The following TNC variants were observed in gnomAD, a reference collection of about 807,000 sequenced individuals.
TNC encodes tenascin.
TNC carries 109 observed loss-of-function variants against 202.4 expected under a neutral mutation model. The ratio of observed to expected loss-of-function variants is 0.54; its 90% CI spans 0.46 to 0.63. The LOEUF (loss-of-function observed/expected upper bound fraction) is 0.63, where lower values mean the gene tolerates loss of function less well. Ranked by LOEUF, TNC falls within the 30% of genes least tolerant of loss-of-function variation. The pLI is 0.00. For synonymous variants in TNC, 1,007 were observed against 1,089.7 expected (o/e 0.92, Z 1.50); for missense variants, 2,756 against 2,833.3 (o/e 0.97, Z 0.62).
At chr9:115,069,024 G>A (rs554104812) in intron 10 of TNC, among the ~76,000 whole-genome samples, 3 of 152,286 alleles carry the variant, frequency 2.0e-5, no homozygotes, top group East Asian at 1.9e-4. Flanking sequence ...GAGAAGAGAA[G>A]CTGTTTCTTT....
intron 20 of TNC, among the ~76,000 whole-genome samples, chr9:115,037,966 A>G (rs2131862477): frequency 6.6e-6 from 1 of 152,356 alleles, no homozygotes; most frequent in Admixed American, 6.5e-5. Context: ...AAAGATGACA[A>G]CTGTTTCCTA....
In TNC at chr9:115,020,911, A is replaced by G; in HGVS notation, c.*246T>C. On this transcript the variant is annotated 3_prime_UTR_variant, in exon 28 of 28. Coordinates refer to ENST00000350763, the MANE Select transcript of TNC (RefSeq NM_002160.4). ...ACTATTGCGATGTTGTCACTGGGAG[A>G]TTTTTGCTGAATCAAACAACAAAAC... 1 of 477,700 alleles carries G rather than the reference A, an allele frequency of 2.1e-6. No individual in the cohort carries two copies. The highest frequency in any genetic ancestry group is 3.7e-6 in the Non-Finnish European group (1 of 270,572). The allele number at this position is 477,700 out of a possible 1,614,324, so 29.6% of individuals were successfully genotyped here.
Position 115,087,021 on chromosome 9 carries a change from A to C in TNC, c.710T>G (p.Ile237Ser). ...DQGKCVNGVC[I>S]CFEGYAGADC... Reference sequence around the variant, plus strand: ...AGCCCCGGCGTAGCCTTCGAAACAGATGCAGACTCCATTTACGCACTTGCC... The same window carrying C: ...AGCCCCGGCGTAGCCTTCGAAACAGCTGCAGACTCCATTTACGCACTTGCC... The change falls in exon 3 of 28, where the codon ATC becomes AGC. Residue 237 changes from isoleucine (I) to serine (S), a missense_variant. By Grantham distance (142) the Ile-to-Ser change is moderately radical. Coordinates refer to ENST00000350763, the MANE Select transcript of TNC (RefSeq NM_002160.4). 1.2e-6 allele frequency: 2 copies of C among 1,613,316 alleles called. No individual in the cohort carries two copies. Among genetic ancestry groups the C allele is most frequent in the Non-Finnish European group, 1.7e-6 (2 of 1,179,472 alleles).
chr9:115,109,866 C>T (rs1836907445), intron 1 of TNC, among the ~76,000 whole-genome samples: 1 of 152,194 alleles, frequency 6.6e-6, no homozygotes, highest in Non-Finnish European at 1.5e-5. Context: ...TCTGGGCTTT[C>T]TGAGCAAACT....
intron 11 of TNC, among the ~76,000 whole-genome samples, 180 bp from the exon 12 acceptor site, chr9:115,064,248 A>G (rs1832769593): frequency 6.6e-6 from 1 of 152,216 alleles, no homozygotes; most frequent in Non-Finnish European, 1.5e-5. Flanking sequence ...AAGTGCAGGA[A>G]AATATTTGTT....
In TNC at chr9:115,041,309, C is replaced by CG. The variant is rs958971198; in HGVS notation, c.5249-226dup. 2.9e-4 allele frequency among the ~76,000 whole-genome samples: 39 copies of CG among 132,388 alleles called. 1 individual carries two copies. The highest frequency in any genetic ancestry group is 2.8e-4 in the Non-Finnish European group (17 of 61,714). 86.9% of individuals were successfully genotyped at this position (132,388 alleles called of 152,430 possible). A position where few individuals can be genotyped will look rare whatever the true frequency, so the allele number is the denominator to read the frequency against. ...ATGCCAAAAACAAAGCCAGGAGGGG[C>CG]GGGGGAAAACATGAAGTCACAACGT... On this transcript the variant is annotated intron_variant, in intron 18 of 27. Transcript: ENST00000350763.
At chr9:115,038,668 G>A (rs764368027) in intron 19 of TNC, among the ~76,000 whole-genome samples, 38 of 152,096 alleles carry the variant, frequency 2.5e-4, no homozygotes, top group Admixed American at 5.2e-4. Context: ...TTATATTATG[G>A]GTGGAAAGGA....
chr9:115,045,820 A>G (rs1242059919), intron 17 of TNC, among the ~76,000 whole-genome samples: 1 of 152,098 alleles, frequency 6.6e-6, no homozygotes. Flanking sequence ...CTTCATAAAC[A>G]GTAGCATGTT....
At position 115,084,211 on chromosome 9, in the gene TNC, G is replaced by C; in HGVS notation, c.2129C>G (p.Thr710Arg). Residue 710 changes from threonine (T) to arginine (R), a missense_variant and splice_region_variant, in exon 4 of 28, where the codon ACG becomes AGG. Thr to Arg is a moderately conservative substitution (Grantham distance 71). This residue lies in a region of TNC where 2,559 missense variants were observed against 2,546.0 expected (regional missense o/e 1.01). Coordinates refer to ENST00000350763, the MANE Select transcript of TNC (RefSeq NM_002160.4). The stretch of plus-strand genomic sequence containing the variant: ...CCAAAAGAGTTCTGCTCACTCACAC[G>C]TGGCCACCCTGGCGCTGACAGGAAT... ...KSIPVSARVA[T>R]YLPAPEGLKF... The C allele has an allele frequency of 6.2e-7, 1 of 1,613,592 alleles. No individual in the cohort carries two copies. The highest frequency in any genetic ancestry group is 8.5e-7 in the Non-Finnish European group (1 of 1,179,676).
intron 2 of TNC, among the ~76,000 whole-genome samples, chr9:115,089,927 G>A (rs1490139165): frequency 6.6e-6 from 1 of 152,232 alleles, no homozygotes; most frequent in East Asian, 1.9e-4. Flanking sequence ...TTAAAGGGCT[G>A]TTGGGAGGAT....
chr9:115,075,073 A>C (rs886434016), intron 9 of TNC, among the ~76,000 whole-genome samples: 1 of 152,170 alleles, frequency 6.6e-6, no homozygotes, highest in Non-Finnish European at 1.5e-5. Context: ...TGGAAGCTCA[A>C]TGATGATCCA....
At chr9:115,026,458 AAGTT>A (rs1261456617) in intron 26 of TNC, 72 bp downstream of exon 26, 17 of 1,478,950 alleles carry the variant, frequency 1.1e-5, no homozygotes, top group Non-Finnish European at 1.6e-5. Context: ...GAAGGAATGA[AAGTT>A]AGAGAAATAA....
At chr9:115,060,985 A>C (rs1425426082) in intron 13 of TNC, among the ~76,000 whole-genome samples, 1 of 152,206 alleles carries the variant, frequency 6.6e-6, no homozygotes, top group Non-Finnish European at 1.5e-5. Flanking sequence ...ACAATGTAGA[A>C]AGGAAATTTA....
chr9:115,053,600 A>G (rs16932140), intron 15 of TNC, among the ~76,000 whole-genome samples: 4,475 of 152,342 alleles, frequency 0.029, 92 homozygotes, highest in South Asian at 0.05. Context: ...TCCTTTGAAC[A>G]TCTCAAGGAG....
At chr9:115,074,179 A>G (rs1833674532) in intron 9 of TNC, among the ~76,000 whole-genome samples, 1 of 152,230 alleles carries the variant, frequency 6.6e-6, no homozygotes, top group Non-Finnish European at 1.5e-5. Context: ...AATTTAGATG[A>G]ATCTCGAGAG....
intron 14 of TNC, among the ~76,000 whole-genome samples, chr9:115,058,115 C>T (rs977740293): frequency 6.6e-6 from 1 of 152,166 alleles, no homozygotes; most frequent in Admixed American, 6.5e-5. Flanking sequence ...GCATTGCCAA[C>T]CAAGAGGGCT....
At chr9:115,042,170 T>A in intron 18 of TNC, 49 bp downstream of exon 18, 2 of 1,590,954 alleles carry the variant, frequency 1.3e-6, no homozygotes, top group South Asian at 1.1e-5. Flanking sequence ...CATGAATCCA[T>A]CCAAACCCAC....
At chr9:115,099,262 G>A (rs1033922284) in intron 1 of TNC, among the ~76,000 whole-genome samples, 9 of 152,170 alleles carry the variant, frequency 5.9e-5, no homozygotes, top group Non-Finnish European at 2.9e-5. Context: ...CCTAGTGGTG[G>A]TGGGGTGTTT....
intron 10 of TNC, among the ~76,000 whole-genome samples, chr9:115,069,652 C>CT (rs1833245929): frequency 5.7e-5 from 1 of 17,646 alleles, no homozygotes. Context: ...TCCTCCCTCC[C>CT]TCCCTCCCTC....
Sources: allele counts gnomAD v4.1 joint callset (sites outside exome capture counted in the v4.1 genomes callset), GRCh38; gene constraint gnomAD v4.1.1; regional missense constraint gnomAD v4.1.1; transcripts MANE v1.5; gene names NCBI Gene and HGNC (gene_info 2026-07-23, HGNC 2026-07-21).